Variants in CFP observed in about 807,000 individuals in gnomAD.
CFP encodes properdin.
A neutral mutation model predicts 42.1 loss-of-function variants in CFP; 14 were observed. The ratio of observed to expected loss-of-function variants is 0.33; its 90% CI spans 0.22 to 0.52. CFP has a LOEUF of 0.52. Among genes scored for constraint, CFP ranks in the 20% least tolerant of loss-of-function variants. CFP has a pLI of 0.96. For missense variants in CFP, 318 were observed against 400.4 expected, an observed-to-expected ratio of 0.79 and a Z score of 1.76; for synonymous variants, 149 against 160.6, an observed-to-expected ratio of 0.93 and a Z score of 0.54.
chrX:47,626,640 G>A (rs1386745164), intron 6 of CFP, 121 bp from the exon 7 acceptor site: 73 of 1,027,841 alleles, frequency 7.1e-5, no homozygotes, highest in Non-Finnish European at 9.5e-5. Context: ...GGGGGACCAG[G>A]GGTGGAAACA....
Position 47,626,795 on chromosome X carries a change from G to A in CFP, c.918C>T (p.Cys306=). ...CAGDATRTHI[C]NTAVPCPVDG... Reference sequence around the variant, plus strand: ...GACCAGGGCAGGGCACAGCTGTGTTGCAGATGTGGGTCCGGGTGGCATCGC... The same window carrying A: ...GACCAGGGCAGGGCACAGCTGTGTTACAGATGTGGGTCCGGGTGGCATCGC... The change falls in exon 6 of 9, where the codon TGC becomes TGT. Residue 306 remains cysteine, a synonymous_variant. Coordinates refer to ENST00000396992, the MANE Select transcript of CFP (RefSeq NM_001145252.3). 1.7e-6 allele frequency: 2 copies of A among 1,210,464 alleles called. No individual in the cohort carries two copies. Among genetic ancestry groups the A allele is most frequent in the Non-Finnish European group, 1.1e-6 (1 of 894,614 alleles).
chrX:47,623,820 G>C lies in CFP; in HGVS notation c.*455C>G, dbSNP rs2057957078. Reference sequence around the variant, plus strand: ...GAGTCGGCCGGCAGAGGCTCCTCCAGGGTTCCGGCTGGTGGGAATCTAGGG... The same window carrying C: ...GAGTCGGCCGGCAGAGGCTCCTCCACGGTTCCGGCTGGTGGGAATCTAGGG... On this transcript the variant is annotated 3_prime_UTR_variant, in exon 9 of 9. Transcript: ENST00000396992. 1 of 135,898 alleles carries C rather than the reference G, an allele frequency of 7.4e-6. No homozygotes were observed. Among genetic ancestry groups the C allele is most frequent in the Admixed American group, 7.8e-5 (1 of 12,876 alleles). The allele number at this position is 135,898 out of a possible 1,213,427, so 11.2% of individuals were successfully genotyped here. A position where few individuals can be genotyped will look rare whatever the true frequency, so the allele number is the denominator to read the frequency against.
chrX:47,629,855 GC>G lies in CFP; in HGVS notation c.-12del. The G allele has an allele frequency of 1.7e-6, 2 of 1,165,234 alleles. No individual in the cohort carries two copies. The highest frequency in any genetic ancestry group is 2.3e-6 in the Non-Finnish European group (2 of 871,054). Reference sequence around the variant, plus strand: ...TCCCTCTGTGATCATGTTGAGTACTGCCCCCTGCACCTCTACCAGAGAGGAG... The same window carrying G: ...TCCCTCTGTGATCATGTTGAGTACTGCCCCTGCACCTCTACCAGAGAGGAG... On this transcript the variant is annotated 5_prime_UTR_variant, in exon 1 of 9. Coordinates refer to ENST00000396992, the MANE Select transcript of CFP (RefSeq NM_001145252.3).
chrX:47,628,359 G>A (rs1187623585), intron 2 of CFP, 82 bp from the exon 3 acceptor site: 1 of 1,005,894 alleles, frequency 9.9e-7, no homozygotes, highest in Non-Finnish European at 1.4e-6. Flanking sequence ...GGGCAGACAC[G>A]AAGGGTTGCT....
intron 2 of CFP, chrX:47,628,641 C>T (rs763442543): frequency 3.4e-5 from 12 of 352,042 alleles, no homozygotes; most frequent in African/African-American, 7.8e-5. Context: ...TAAACCTGAG[C>T]CATCATCCCT....
chrX:47,627,078 A>G, intron 5 of CFP, 63 bp downstream of exon 5: 1 of 1,176,978 alleles, frequency 8.5e-7, no homozygotes. Context: ...TAGAAATGGC[A>G]GAGCATCTCT....
chrX:47,628,451 A>G lies in CFP; in HGVS notation c.228-174T>C, dbSNP rs150754273. 7.8e-4 allele frequency: 413 copies of G among 529,783 alleles called. 2 individuals carry two copies. The African/African-American group carries it at 7.9e-3, about 10-fold the overall frequency. 43.7% of individuals were successfully genotyped at this position (529,783 alleles called of 1,213,427 possible). On this transcript the variant is annotated intron_variant, in intron 2 of 8. Coordinates refer to ENST00000396992, the MANE Select transcript of CFP (RefSeq NM_001145252.3). ...ACTGATGGGAAGCAGTGGATATACA[A>G]TAAGTGCTTGATAATGTCATTTACC...
chrX:47,624,528 G>T, intron 8 of CFP, 88 bp from the exon 9 acceptor site: 1 of 664,590 alleles, frequency 1.5e-6, no homozygotes, highest in Non-Finnish European at 2.1e-6. Flanking sequence ...CCTGCTATAT[G>T]CCGAGGGCTA....
intron 3 of CFP, 100 bp from the exon 4 acceptor site, chrX:47,627,741 C>T (rs2057975245): frequency 1.1e-6 from 1 of 881,768 alleles, no homozygotes; most frequent in South Asian, 2.6e-5. Flanking sequence ...GTCCTTATAT[C>T]CTCTGCCACC....
In CFP at chrX:47,627,206, G is replaced by C. The variant is rs769690133; in HGVS notation, c.701C>G (p.Pro234Arg). The C allele has an allele frequency of 1.7e-6, 2 of 1,211,894 alleles. No individual in the cohort carries two copies. Among genetic ancestry groups the C allele is most frequent in the Non-Finnish European group, 2.2e-6 (2 of 895,398 alleles). Residue 234 changes from proline to arginine, a missense_variant, in exon 5 of 9, where the codon CCT becomes CGT. Coordinates refer to ENST00000396992, the MANE Select transcript of CFP (RefSeq NM_001145252.3). The part of the protein sequence containing the change: ...CSAPEPSQKP[P>R]GKPCPGLAYE... ...GGCTAGCCCCGGGCAGGGCTTCCCA[G>C]GAGGTTTCTGGGAGGGCTCAGGTGC...
At chrX:47,628,815 T>A in intron 2 of CFP, 2 of 227,234 alleles carry the variant, frequency 8.8e-6, no homozygotes, top group South Asian at 1.1e-4. Context: ...CCACGGTGTA[T>A]CTGGGATATA....
rs367914849 is a variant in CFP at position 47,624,251 on chromosome X, G to A, written c.*24C>T. The A allele has an allele frequency of 7.3e-5, 88 of 1,205,324 alleles. No individual in the cohort carries two copies. The highest frequency in any genetic ancestry group is 9.4e-5 in the Non-Finnish European group (84 of 891,545). On this transcript the variant is annotated 3_prime_UTR_variant, in exon 9 of 9. Transcript: ENST00000396992. ...TTTATTGAGGTTTGGAAGGTCAGGG[G>A]GCTCAGAGTGGAGGAGAGAAGTGTT...
intron 6 of CFP, 35 bp downstream of exon 6, chrX:47,626,738 T>A (rs761431026): frequency 8.4e-7 from 1 of 1,186,202 alleles, no homozygotes; most frequent in Non-Finnish European, 1.1e-6. Context: ...CAAGGGGGAC[T>A]TAGGCATGCA....
At chrX:47,629,986 C>G, upstream of CFP, 1 of 567,394 alleles carries the variant, frequency 1.8e-6, no homozygotes, top group Non-Finnish European at 3.0e-6. Context: ...CACCCTGTCC[C>G]CTCTGCCTCC....
upstream of CFP, chrX:47,629,966 G>T: frequency 1.4e-6 from 1 of 709,326 alleles, no homozygotes; most frequent in Middle Eastern, 3.6e-4. Flanking sequence ...AGGGCATCCT[G>T]CTTTGACCCC....
rs1199661593 is a variant in CFP, at chrX:47,628,881, C to T, written c.228-604G>A. 8 of 168,979 alleles carry T rather than the reference C, an allele frequency of 4.7e-5. No individual in the cohort carries two copies. In the Admixed American group the frequency reaches 5.1e-4, roughly 11 times the overall value. The allele number at this position is 168,979 out of a possible 1,213,427, so 13.9% of individuals were successfully genotyped here. On this transcript the variant is annotated intron_variant, in intron 2 of 8. Transcript: ENST00000396992. ...ACGGTAAGGGCTCAATCCATGCAAG[C>T]TGGAAATCATGATCAGGAGACTAGA...
At position 47,626,413 on chromosome X, in the gene CFP, G is replaced by C; in HGVS notation, c.1047C>G (p.Thr349=). The change falls in exon 7 of 9, where the codon ACC becomes ACG. Residue 349 remains threonine, a synonymous_variant. Transcript: ENST00000396992. ...GTCCGTCAAACTTGCGGCCCCTGCA[G>C]GTCCTCCCGCGTGACTGCTGGCCCG... is the stretch of plus-strand genomic sequence containing the variant. The part of the protein sequence containing the change: ...EIPGQQSRGR[T]CRGRKFDGHR... 1 of 1,211,752 alleles carries C rather than the reference G, an allele frequency of 8.3e-7. No individual in the cohort carries two copies. The highest frequency in any genetic ancestry group is 1.1e-6 in the Non-Finnish European group (1 of 895,479).
Position 47,624,434 on chromosome X carries a change from G to A in CFP, c.1251C>T (p.Thr417=), listed in dbSNP as rs747277925. ...CTPLLPKYPP[T]VSMVEGQGEK... is the part of the protein sequence containing the mutation. ...CGCCCTGACCTTCGACCATGGAAAC[G>A]GTGGGCCTGAGGCATTAGGGGTGGG... is the stretch of plus-strand genomic sequence containing the variant. Residue 417 remains threonine, a synonymous_variant, in exon 9 of 9, where the codon ACC becomes ACT. Transcript: ENST00000396992. 3 of 1,210,278 alleles carry A rather than the reference G, an allele frequency of 2.5e-6. No homozygotes were observed. The highest frequency in any genetic ancestry group is 1.1e-6 in the Non-Finnish European group (1 of 894,437).
chrX:47,629,226 T>A, intron 2 of CFP: 1 of 311,816 alleles, frequency 3.2e-6, no homozygotes, highest in Non-Finnish European at 5.6e-6. Flanking sequence ...TTTGGCAATG[T>A]CTGCTGACAT....
Sources: gnomAD v4.1 joint callset for allele counts on GRCh38, gnomAD v4.1.1 for gene constraint, MANE v1.5 for transcripts, NCBI Gene and HGNC (gene_info 2026-07-23, HGNC 2026-07-21) for gene names.